MROH7: variants seen among roughly 807,000 people sequenced by gnomAD.
MROH7 encodes maestro heat like repeat family member 7.
A neutral mutation model predicts 129.2 loss-of-function variants in MROH7; 113 were observed. That is an observed-to-expected ratio of 0.87 (90% confidence interval 0.75 to 1.02). MROH7 has a LOEUF of 1.02. Among genes scored for constraint, MROH7 ranks in the 50% least tolerant of loss-of-function variants. The pLI is 0.00. For missense variants in MROH7, 1,601 were observed against 1,671.3 expected (o/e 0.96, Z 0.73); for synonymous variants, 655 against 667.9 (o/e 0.98, Z 0.30).
At chr1:54,647,976 G>T (rs1420425626) in intron 1 of MROH7, among the ~76,000 whole-genome samples, 1 of 150,776 alleles carries the variant, frequency 6.6e-6, no homozygotes, top group Non-Finnish European at 1.5e-5. Context: ...TCAATATCCA[G>T]CTGTTCCACT....
chr1:54,670,667 A>AACCCCCCC, intron 6 of MROH7, 91 bp downstream of exon 6: 1 of 960,104 alleles, frequency 1.0e-6, no homozygotes, highest in Non-Finnish European at 1.5e-6. Flanking sequence ...CCCTCCCCCA[A>AACCCCCCC]CCCGCCCCCA....
At chr1:54,706,644 T>C (rs1645539212) in intron 22 of MROH7, 107 bp downstream of exon 22, 1 of 799,352 alleles carries the variant, frequency 1.3e-6, no homozygotes, top group Admixed American at 2.2e-5. Flanking sequence ...GATGCTTCCC[T>C]TTGGGTGCAA....
intron 3 of MROH7, among the ~76,000 whole-genome samples, chr1:54,659,722 G>A (rs1644704121): frequency 6.6e-6 from 1 of 152,178 alleles, no homozygotes; most frequent in Non-Finnish European, 1.5e-5. Context: ...CAAAGTGCCA[G>A]GATTACAAGC....
intron 1 of MROH7, among the ~76,000 whole-genome samples, chr1:54,647,728 G>T (rs1016760413): frequency 7.8e-6 from 1 of 128,896 alleles, no homozygotes; most frequent in Non-Finnish European, 1.6e-5. Flanking sequence ...CAACAAGGGT[G>T]AAACTCTGTA....
At chr1:54,682,402 A>C (rs1645084751) in intron 13 of MROH7, among the ~76,000 whole-genome samples, 1 of 152,000 alleles carries the variant, frequency 6.6e-6, no homozygotes, top group East Asian at 1.9e-4. Context: ...TCCTGACCTT[A>C]GGTGATCCAC....
chr1:54,670,038 C>G (rs569641027), intron 5 of MROH7, among the ~76,000 whole-genome samples: 18 of 150,126 alleles, frequency 1.2e-4, no homozygotes, highest in Admixed American at 1.0e-3. Context: ...TCAAGATGAA[C>G]CTGGCCAACA....
chr1:54,656,377 G>A (rs1644645826), intron 3 of MROH7, among the ~76,000 whole-genome samples: 1 of 150,082 alleles, frequency 6.7e-6, no homozygotes, highest in South Asian at 2.1e-4. Context: ...TGGTGTGGTG[G>A]CACACTCCTG....
At chr1:54,687,374 T>G (rs6588527) in intron 15 of MROH7, among the ~76,000 whole-genome samples, 1 of 152,030 alleles carries the variant, frequency 6.6e-6, no homozygotes, top group African/African-American at 2.4e-5. Context: ...TGCACCCGGC[T>G]GAGCTGTCTC....
At chr1:54,708,664 G>A (rs1213001746) in intron 22 of MROH7, among the ~76,000 whole-genome samples, 1 of 152,138 alleles carries the variant, frequency 6.6e-6, no homozygotes, top group Non-Finnish European at 1.5e-5. Flanking sequence ...TTACATTACT[G>A]CTCAAACTCC....
At chr1:54,657,513 C>T (rs776062190) in intron 3 of MROH7, among the ~76,000 whole-genome samples, 2 of 151,900 alleles carry the variant, frequency 1.3e-5, no homozygotes, top group South Asian at 2.1e-4. Flanking sequence ...CAAATAGCTA[C>T]GACTGTAGGC....
intron 13 of MROH7, among the ~76,000 whole-genome samples, chr1:54,682,058 GT>G (rs1645075928): frequency 6.6e-6 from 1 of 152,066 alleles, no homozygotes; most frequent in Admixed American, 6.6e-5. Context: ...AGGGCCTGGT[GT>G]ACAGTAAATG....
rs181774261 is a variant in MROH7 at position 54,672,754 on chromosome 1, T to C, written c.1600-337T>C. Among the ~76,000 whole-genome samples the C allele has an allele frequency of 2.6e-5, 4 of 152,290 alleles. No homozygotes were observed. In the East Asian group the frequency reaches 7.7e-4, roughly 29 times the overall value. On this transcript the variant is annotated intron_variant, in intron 7 of 23. Coordinates refer to ENST00000421030, the MANE Select transcript of MROH7 (RefSeq NM_001039464.4). The stretch of plus-strand genomic sequence containing the variant: ...ACAAGTGTCCCTGTCCCTTCATTTG[T>C]AAAATGAGAAAAACAATTTGTGGAC...
In MROH7 at chr1:54,701,214, G is replaced by A; in HGVS notation, c.3177G>A (p.Val1059=). 1 of 1,614,218 alleles carries A rather than the reference G, an allele frequency of 6.2e-7. No homozygotes were observed. The highest frequency in any genetic ancestry group is 8.5e-7 in the Non-Finnish European group (1 of 1,180,046). Residue 1059 remains valine, a synonymous_variant, in exon 19 of 24, where the codon GTG becomes GTA. Coordinates refer to ENST00000421030, the MANE Select transcript of MROH7 (RefSeq NM_001039464.4). The part of the protein sequence containing the change: ...GLKNMDGMLV[V]EAVHNLKAVF... Reference sequence around the variant, plus strand: ...AGAACATGGATGGGATGCTGGTGGTGGAAGCGGTCCACAACCTCAAGGCTG... The same window carrying A: ...AGAACATGGATGGGATGCTGGTGGTAGAAGCGGTCCACAACCTCAAGGCTG...
chr1:54,680,475 C>T (rs1417439944), intron 13 of MROH7, among the ~76,000 whole-genome samples: 1 of 152,126 alleles, frequency 6.6e-6, no homozygotes, highest in Non-Finnish European at 1.5e-5. Flanking sequence ...CCTCTCTTTC[C>T]CCCTTAGGCA....
At chr1:54,686,193 GC>G (rs1645144078) in intron 14 of MROH7, 64 bp from the exon 15 acceptor site, 2 of 1,445,316 alleles carry the variant, frequency 1.4e-6, no homozygotes, top group South Asian at 1.3e-5. Context: ...GGCAGTCCAG[GC>G]CCCAGCCAGG....
intron 23 of MROH7, 146 bp from the exon 24 acceptor site, chr1:54,709,800 A>T: frequency 9.9e-7 from 1 of 1,005,522 alleles, no homozygotes; most frequent in Non-Finnish European, 1.5e-6. Flanking sequence ...AATGTGAATA[A>T]TTTGAATTGC....
rs764054114 is a variant in MROH7, at chr1:54,670,977, G to C, written c.1599+48G>C. On this transcript the variant is annotated intron_variant, in intron 7 of 23. Transcript: ENST00000421030. ...GGGCCTCAGGGCTGGCCCATGTTCT[G>C]GGAGGAGATATGGAGCTGCATCCTC... 3.9e-6 allele frequency: 6 copies of C among 1,542,156 alleles called. No homozygotes were observed. In the Middle Eastern group the frequency reaches 8.8e-4, roughly 227 times the overall value.
chr1:54,643,941 G>GT (rs1420192830), intron 1 of MROH7, among the ~76,000 whole-genome samples: 1 of 152,052 alleles, frequency 6.6e-6, no homozygotes, highest in Non-Finnish European at 1.5e-5. Flanking sequence ...TCAAATTGGT[G>GT]TTCCCCTATA....
At position 54,701,248 on chromosome 1, in the gene MROH7, G is replaced by A; in HGVS notation, c.3211G>A (p.Gly1071Arg). The change falls in exon 19 of 24, where the codon GGG (glycine) becomes AGG (arginine). Residue 1071 changes from glycine to arginine, a missense_variant. By Grantham distance (125) the Gly-to-Arg change is moderately radical. Transcript: ENST00000421030. ...AVHNLKAVFK[G>R]RDQKLMDSAV... ...CCACAACCTCAAGGCTGTCTTCAAG[G>A]GGCGGGACCAGAAGCTGATGGACAG... 6.2e-7 allele frequency: 1 copy of A among 1,614,112 alleles called. No individual in the cohort carries two copies. Among genetic ancestry groups the A allele is most frequent in the Non-Finnish European group, 8.5e-7 (1 of 1,179,950 alleles).
Sources: allele counts gnomAD v4.1 joint callset (sites outside exome capture counted in the v4.1 genomes callset), GRCh38; gene constraint gnomAD v4.1.1; transcripts MANE v1.5; gene names NCBI Gene and HGNC (gene_info 2026-07-23, HGNC 2026-07-21).